XRN2: variants seen among roughly 807,000 people sequenced by gnomAD.
The protein encoded by XRN2 is DHM1-like protein.
XRN2 carries 44 observed loss-of-function variants against 138.5 expected under a neutral mutation model. The observed-to-expected ratio is 0.32, with a 90% confidence interval of 0.25 to 0.41. The LOEUF (loss-of-function observed/expected upper bound fraction) is 0.41, where lower values mean the gene tolerates loss of function less well. Among genes scored for constraint, XRN2 ranks in the 10% least tolerant of loss-of-function variants. The pLI is 1.00. For synonymous variants in XRN2, 354 were observed against 369.4 expected (o/e 0.96, Z 0.48); for missense variants, 937 against 1,169.3 (o/e 0.80, Z 2.90).
At chr20:21,312,937 A>G (rs533635132) in intron 1 of XRN2, among the ~76,000 whole-genome samples, 13 of 152,306 alleles carry the variant, frequency 8.5e-5, no homozygotes, top group African/African-American at 7.2e-5. Flanking sequence ...CAATTGAGCA[A>G]TGAACAGTTT....
At chr20:21,340,979 C>T (rs2038364903) in intron 15 of XRN2, 127 bp downstream of exon 15, 1 of 1,078,054 alleles carries the variant, frequency 9.3e-7, no homozygotes, top group Admixed American at 2.3e-5. Context: ...AATTGCTTTG[C>T]CTTGAGAAAT....
intron 1 of XRN2, among the ~76,000 whole-genome samples, chr20:21,313,230 G>T (rs932435970): frequency 2.0e-5 from 3 of 152,202 alleles, no homozygotes; most frequent in Non-Finnish European, 4.4e-5. Context: ...CAAATTTGGT[G>T]TAAGTTAACA....
At chr20:21,347,361 T>G (rs538215658) in intron 17 of XRN2, among the ~76,000 whole-genome samples, 3 of 152,200 alleles carry the variant, frequency 2.0e-5, no homozygotes, top group African/African-American at 7.2e-5. Flanking sequence ...GGTGAGAGAT[T>G]AGGTAGACAT....
At chr20:21,340,659 T>C in intron 14 of XRN2, 62 bp from the exon 15 acceptor site, 1 of 1,569,942 alleles carries the variant, frequency 6.4e-7, no homozygotes, top group East Asian at 2.3e-5. Context: ...CTTCTTTCCT[T>C]TCTGTCATCT....
Position 21,333,966 on chromosome 20 carries a change from T to C in XRN2, c.1097T>C (p.Ile366Thr). The C allele has an allele frequency of 6.2e-7, 1 of 1,614,162 alleles. No homozygotes were observed. The highest frequency in any genetic ancestry group is 1.7e-5 in the Admixed American group (1 of 60,032). Reference protein sequence around the residue: ...RENAIDRLVNIYKNVVHKTGG... With the variant: ...RENAIDRLVNTYKNVVHKTGG... ...AATGCAATTGACCGTTTGGTTAACA[T>C]ATACAAAAATGTGGTACACAAAACT... The change falls in exon 12 of 30, where the codon ATA becomes ACA. Residue 366 changes from isoleucine to threonine, a missense_variant. Transcript: ENST00000377191.
intron 24 of XRN2, among the ~76,000 whole-genome samples, chr20:21,362,483 A>G (rs1268287218): frequency 1.3e-5 from 2 of 151,970 alleles, no homozygotes; most frequent in Admixed American, 6.5e-5. Flanking sequence ...TACTTTCCCA[A>G]CGTTCCCATC....
intron 28 of XRN2, among the ~76,000 whole-genome samples, chr20:21,385,928 A>G (rs1296419031): frequency 1.3e-5 from 2 of 152,196 alleles, no homozygotes; most frequent in East Asian, 1.9e-4. Flanking sequence ...GTTCAAGTAT[A>G]CTGGAGCATT....
Position 21,318,566 on chromosome 20 carries a change from T to C in XRN2, c.76-7713T>C, listed in dbSNP as rs548772096. Among the ~76,000 whole-genome samples the C allele has an allele frequency of 1.2e-4, 19 of 152,218 alleles. No individual in the cohort carries two copies. The South Asian group carries it at 1.7e-3, about 13-fold the overall frequency. ...AGAGCCAAATACTTCTGAAGAGATA[T>C]TTCTTAATCTAAGCATTTGCAACTA... On this transcript the variant is annotated intron_variant, in intron 1 of 29. Coordinates refer to ENST00000377191, the MANE Select transcript of XRN2 (RefSeq NM_012255.5).
chr20:21,314,846 T>TGTA, intron 1 of XRN2, among the ~76,000 whole-genome samples: 1 of 152,328 alleles, frequency 6.6e-6, no homozygotes, highest in East Asian at 1.9e-4. Context: ...GACAAGGACA[T>TGTA]CCATGTACAA....
At chr20:21,355,205 C>T (rs894875274) in intron 21 of XRN2, among the ~76,000 whole-genome samples, 7 of 152,182 alleles carry the variant, frequency 4.6e-5, no homozygotes, top group Admixed American at 4.6e-4. Context: ...TTCATTTTCT[C>T]CATCTACCTT....
At chr20:21,303,714 A>C (rs973497955) in intron 1 of XRN2, 1 of 1,248,942 alleles carries the variant, frequency 8.0e-7, no homozygotes, top group Admixed American at 4.4e-5. Flanking sequence ...CCGAACTCGC[A>C]GGAGGGTCGC....
At chr20:21,360,749 A>G (rs553436532) in intron 24 of XRN2, among the ~76,000 whole-genome samples, 4 of 152,336 alleles carry the variant, frequency 2.6e-5, no homozygotes, top group Non-Finnish European at 4.4e-5. Flanking sequence ...TGGCAAGCAG[A>G]TAACTCAAGA....
rs1352028506 is a variant in XRN2 at position 21,303,888 on chromosome 20, G to T, written c.75+415G>T. The T allele has an allele frequency of 5.1e-6, 5 of 982,634 alleles. No homozygotes were observed. The South Asian group carries it at 2.4e-4, about 46-fold the overall frequency. 60.9% of individuals were successfully genotyped at this position (982,634 alleles called of 1,614,324 possible). A position where few individuals can be genotyped will look rare whatever the true frequency, so the allele number is the denominator to read the frequency against. On this transcript the variant is annotated intron_variant, in intron 1 of 29. Transcript: ENST00000377191. ...GGGTTATGGATGCACGGATTCGGAG[G>T]CCAGCTTTTTGACAACCTTGTAAAG...
intron 14 of XRN2, 124 bp downstream of exon 14, chr20:21,339,212 C>A: frequency 2.2e-6 from 2 of 919,708 alleles, no homozygotes; most frequent in South Asian, 3.3e-5. Context: ...AAGTGTCCAC[C>A]CAGTTACCTT....
chr20:21,367,192 T>A (rs984392671), intron 26 of XRN2, among the ~76,000 whole-genome samples: 1 of 152,166 alleles, frequency 6.6e-6, no homozygotes, highest in Non-Finnish European at 1.5e-5. Flanking sequence ...GTTTTTATCC[T>A]TTGCCCTTTT....
intron 27 of XRN2, among the ~76,000 whole-genome samples, chr20:21,370,945 G>T (rs920673367): frequency 2.0e-5 from 3 of 152,156 alleles, no homozygotes; most frequent in African/African-American, 7.2e-5. Flanking sequence ...TGCCACAAGG[G>T]CAGCATGGGG....
At chr20:21,386,557 G>T (rs2038938325) in intron 28 of XRN2, among the ~76,000 whole-genome samples, 2 of 152,190 alleles carry the variant, frequency 1.3e-5, no homozygotes, top group Non-Finnish European at 2.9e-5. Flanking sequence ...CCATCTTGGT[G>T]ATCTTGGGTC....
At chr20:21,388,380 T>C (rs1324504462) in intron 29 of XRN2, among the ~76,000 whole-genome samples, 1 of 152,258 alleles carries the variant, frequency 6.6e-6, no homozygotes, top group Non-Finnish European at 1.5e-5. Flanking sequence ...TTTAGGACTT[T>C]TTGAAAATAA....
intron 27 of XRN2, among the ~76,000 whole-genome samples, chr20:21,369,090 C>T (rs575437105): frequency 2.0e-5 from 3 of 152,184 alleles, no homozygotes; most frequent in South Asian, 4.2e-4. Flanking sequence ...CTCTGGTAAC[C>T]GTCCTTCTAC....
Sources: allele counts gnomAD v4.1 joint callset (sites outside exome capture counted in the v4.1 genomes callset), GRCh38; gene constraint gnomAD v4.1.1; transcripts MANE v1.5; gene names NCBI Gene and HGNC (gene_info 2026-07-23, HGNC 2026-07-21).